Variants in UBE2B observed in about 807,000 individuals in gnomAD.
UBE2B encodes the protein ubiquitin-conjugating enzyme E2 B.
UBE2B carries 11 observed loss-of-function variants against 24.6 expected under a neutral mutation model. That is an observed-to-expected ratio of 0.45 (90% CI 0.28 to 0.74). The LOEUF is 0.74. Ranked by LOEUF, UBE2B falls within the 30% of genes least tolerant of loss-of-function variation. The probability of loss-of-function intolerance (pLI) is 0.13; values close to 1 mark genes in which losing one functional copy is unlikely to be tolerated. For synonymous variants in UBE2B, 68 were observed against 62.4 expected, an observed-to-expected ratio of 1.09 and a Z score of -0.42; for missense variants, 78 against 185.6, an observed-to-expected ratio of 0.42 and a Z score of 3.37.
In UBE2B at chr5:134,379,114, GA is replaced by G. The variant is rs1047390764; in HGVS notation, c.152-1604del. On this transcript the variant is annotated intron_variant, in intron 3 of 5. Coordinates refer to ENST00000265339, the MANE Select transcript of UBE2B (RefSeq NM_003337.4). The stretch of plus-strand genomic sequence containing the variant: ...ATATAATGGAATATGGCAACATTTG[GA>G]GGATCTGTAAACTCGAGTCACCCAA... 5.3e-5 allele frequency among the ~76,000 whole-genome samples: 8 copies of G among 152,230 alleles called. 1 individual carries two copies. Among genetic ancestry groups the G allele is most frequent in the Middle Eastern group, 3.4e-3 (1 of 294 alleles).
Position 134,390,309 on chromosome 5 carries a change from A to G in UBE2B, c.415A>G (p.Lys139Glu). The G allele has an allele frequency of 6.2e-7, 1 of 1,614,136 alleles. No individual in the cohort carries two copies. Among genetic ancestry groups the G allele is most frequent in the Non-Finnish European group, 8.5e-7 (1 of 1,180,000 alleles). ...TCAGGAAAACAAACGAGAATATGAG[A>G]AAAGAGTTTCGGCCATTGTTGAACA... ...LYQENKREYE[K>E]RVSAIVEQSW... is the part of the protein sequence containing the mutation. The change falls in exon 6 of 6, where the codon AAA becomes GAA. Residue 139 changes from lysine to glutamate, a missense_variant. Around this residue, in one of 2 missense-constraint regions of UBE2B, gnomAD observed 57 missense variants for 167.7 expected, o/e 0.34. Transcript: ENST00000265339. This position sits in a 1 kb window ranked among gnomAD's most constrained non-coding sequence, Gnocchi z 4.6.
In UBE2B at chr5:134,391,398, G is replaced by A. The variant is rs1189889863; in HGVS notation, c.*1045G>A. On this transcript the variant is annotated 3_prime_UTR_variant, in exon 6 of 6. Transcript: ENST00000265339. ...GATTTTTTTTTTAATCTCCTGAGTT[G>A]TATAAAAGTTGTACTGCATCTTAGT... 6.6e-6 allele frequency: 1 copy of A among 152,372 alleles called. No individual in the cohort carries two copies. The highest frequency in any genetic ancestry group is 1.5e-5 in the Non-Finnish European group (1 of 67,998). The allele number at this position is 152,372 out of a possible 1,614,324, so 9.4% of individuals were successfully genotyped here.
At chr5:134,386,427 C>A (rs1020350066) in intron 4 of UBE2B, among the ~76,000 whole-genome samples, 1 of 151,740 alleles carries the variant, frequency 6.6e-6, no homozygotes, top group African/African-American at 2.4e-5. Flanking sequence ...GTCAGGAGTT[C>A]GAGACCAGCC....
intron 2 of UBE2B, 58 bp downstream of exon 2, chr5:134,374,521 C>A (rs1758565674): frequency 6.6e-7 from 1 of 1,509,028 alleles, no homozygotes; most frequent in Non-Finnish European, 9.0e-7. Context: ...GAAAAGTAAA[C>A]ATATAACAAC....
At chr5:134,385,712 A>C (rs1758787594) in intron 4 of UBE2B, 1 of 152,098 alleles carries the variant, frequency 6.6e-6, no homozygotes, top group South Asian at 2.1e-4. Context: ...AACACAAGGA[A>C]GGATAAAGAA....
chr5:134,383,052 C>T (rs1358110489), intron 4 of UBE2B, among the ~76,000 whole-genome samples: 2 of 152,010 alleles, frequency 1.3e-5, no homozygotes, highest in Non-Finnish European at 2.9e-5. Context: ...GTGGTCCCAG[C>T]TACTCGGGAG....
intron 1 of UBE2B, among the ~76,000 whole-genome samples, chr5:134,373,996 A>C (rs1022050466): frequency 4.6e-5 from 7 of 152,292 alleles, no homozygotes; most frequent in African/African-American, 1.7e-4. Context: ...TTGGGTATAT[A>C]CCCAGTAATG....
Position 134,371,609 on chromosome 5 carries a change from C to T in UBE2B, c.14C>T (p.Ala5Val). MSTP[A>V]RRRLMRDFKR... ...CAGCTGCGGAGCATGTCGACCCCGG[C>T]CCGGAGGAGGCTCATGCGGGATTTC... Residue 5 changes from alanine to valine, a missense_variant, in exon 1 of 6, where the codon GCC becomes GTC. Physicochemically the swap from Ala to Val is moderately conservative, Grantham distance 64. Transcript: ENST00000265339. 1.9e-6 allele frequency: 3 copies of T among 1,613,030 alleles called. No individual in the cohort carries two copies. The highest frequency in any genetic ancestry group is 2.5e-6 in the Non-Finnish European group (3 of 1,179,862).
chr5:134,385,273 A>T (rs1186205257), intron 4 of UBE2B, among the ~76,000 whole-genome samples: 1 of 152,190 alleles, frequency 6.6e-6, no homozygotes. Flanking sequence ...AGATAGATCT[A>T]GGCTAAGGCC....
At chr5:134,374,839 G>T (rs1758572348) in intron 2 of UBE2B, among the ~76,000 whole-genome samples, 1 of 152,164 alleles carries the variant, frequency 6.6e-6, no homozygotes, top group Admixed American at 6.5e-5. Flanking sequence ...CTACTTGGAA[G>T]GCTGAGGCAG....
At chr5:134,376,348 A>AATATATATATATATATATAT (rs1190025064) in intron 2 of UBE2B, among the ~76,000 whole-genome samples, 85 of 4,738 alleles carry the variant, frequency 0.018, 10 homozygotes, top group Non-Finnish European at 0.03. Context: ...AAAAAAAAAA[A>AATATATATATATATATATAT]ATATATATAT....
In UBE2B at chr5:134,374,392, G is replaced by C. The variant is rs1412931278; in HGVS notation, c.54G>C (p.Glu18Asp). 2 of 1,554,530 alleles carry C rather than the reference G, an allele frequency of 1.3e-6. No homozygotes were observed. The highest frequency in any genetic ancestry group is 1.4e-5 in the African/African-American group (1 of 73,242). The part of the protein sequence containing the change: ...RLMRDFKRLQ[E>D]DPPVGVSGAP... ...CACGCTGGATTTCCAGGTTACAAGA[G>C]GACCCACCTGTGGGTGTCAGTGGCG... Residue 18 changes from glutamate to aspartate, a missense_variant, in exon 2 of 6, where the codon GAG becomes GAC. Glu to Asp is a conservative substitution (Grantham distance 45). Coordinates refer to ENST00000265339, the MANE Select transcript of UBE2B (RefSeq NM_003337.4).
intron 1 of UBE2B, among the ~76,000 whole-genome samples, chr5:134,372,031 C>T (rs1758454838): frequency 6.6e-6 from 1 of 152,222 alleles, no homozygotes; most frequent in Non-Finnish European, 1.5e-5. Context: ...TCTCCGGCAG[C>T]ACCAGTCAGC....
At chr5:134,379,646 CAAA>C (rs1222816195) in intron 3 of UBE2B, among the ~76,000 whole-genome samples, 10 of 75,202 alleles carry the variant, frequency 1.3e-4, no homozygotes, top group African/African-American at 1.7e-4. Context: ...TCTGTCTCAA[CAAA>C]AAAAAAAAAA....
chr5:134,383,846 G>GT (rs1758754624), intron 4 of UBE2B, among the ~76,000 whole-genome samples: 1 of 152,022 alleles, frequency 6.6e-6, no homozygotes, highest in Non-Finnish European at 1.5e-5. Context: ...ACTAGACTAA[G>GT]TTTTTTAAAC....
intron 1 of UBE2B, among the ~76,000 whole-genome samples, chr5:134,372,630 A>G (rs544618981): frequency 4.6e-5 from 7 of 152,320 alleles, no homozygotes; most frequent in Non-Finnish European, 7.3e-5. Flanking sequence ...TATAAAGCCT[A>G]TGTGAGGCAC....
chr5:134,388,463 T>C (rs201432126), intron 5 of UBE2B, 50 bp downstream of exon 5: 24 of 1,538,342 alleles, frequency 1.6e-5, no homozygotes, highest in East Asian at 6.7e-5. Context: ...CTGTAGGATA[T>C]AGTCAGCTCC....
At chr5:134,387,517 A>G (rs1421260085) in intron 4 of UBE2B, among the ~76,000 whole-genome samples, 1 of 152,216 alleles carries the variant, frequency 6.6e-6, no homozygotes, top group East Asian at 1.9e-4. Context: ...GCAGGGACTG[A>G]TAATTTGTAA....
rs529626022 is a variant in UBE2B, at chr5:134,391,322, T to C, written c.*969T>C. ...TTTAATGCAATGCATATCTGTTTATTCTGGGAAATGTTTTAATGCCAGGGC... is the reference window on the plus strand; with the variant it reads ...TTTAATGCAATGCATATCTGTTTATCCTGGGAAATGTTTTAATGCCAGGGC... On this transcript the variant is annotated 3_prime_UTR_variant, in exon 6 of 6. Coordinates refer to ENST00000265339, the MANE Select transcript of UBE2B (RefSeq NM_003337.4). 8 of 152,526 alleles carry C rather than the reference T, an allele frequency of 5.2e-5. No individual in the cohort carries two copies. The highest frequency in any genetic ancestry group is 1.0e-4 in the Non-Finnish European group (7 of 68,036). 9.4% of individuals were successfully genotyped at this position (152,526 alleles called of 1,614,324 possible).
Sources: allele counts gnomAD v4.1 joint callset (sites outside exome capture counted in the v4.1 genomes callset), GRCh38; gene constraint gnomAD v4.1.1; regional missense constraint gnomAD v4.1.1; non-coding constraint Gnocchi (gnomAD v3.1); transcripts MANE v1.5; gene names NCBI Gene and HGNC (gene_info 2026-07-23, HGNC 2026-07-21).